PGR: variants seen among roughly 807,000 people sequenced by gnomAD.
The protein encoded by PGR is nuclear receptor subfamily 3 group C member 3.
In PGR, 25 loss-of-function variants were observed where a neutral mutation model predicts 76.1. The ratio of observed to expected loss-of-function variants is 0.33; its 90% CI spans 0.24 to 0.46. The LOEUF is 0.46. Ranked by LOEUF, PGR falls within the 20% of genes least tolerant of loss-of-function variation. The pLI, the probability that PGR is intolerant of heterozygous loss-of-function variation, is 1.00. For missense variants in PGR, 1,172 were observed against 1,225.3 expected (o/e 0.96, Z 0.65); for synonymous variants, 579 against 535.0 (o/e 1.08, Z -1.14).
chr11:101,103,454 T>C (rs999767940), intron 2 of PGR, among the ~76,000 whole-genome samples: 4 of 152,098 alleles, frequency 2.6e-5, no homozygotes, highest in African/African-American at 7.2e-5. Flanking sequence ...TCCTGTCTCT[T>C]ACCCCCGCAT....
In PGR at chr11:101,096,844, TACA is replaced by T. The variant is rs72547494; in HGVS notation, c.1790-4971_1790-4969del. 9.4e-3 allele frequency among the ~76,000 whole-genome samples: 1,439 copies of T among 152,356 alleles called. 13 individuals are homozygous for T. The highest frequency in any genetic ancestry group is 0.037 in the Middle Eastern group (11 of 294). ...TCAGTCCAACATAACATTGTGATTC[TACA>T]ACAAGTGTAAAACACGTCACTATAT... On this transcript the variant is annotated intron_variant, in intron 2 of 7. Coordinates refer to ENST00000325455, the MANE Select transcript of PGR (RefSeq NM_000926.4).
At chr11:101,058,268 A>G (rs1396532202) in intron 4 of PGR, among the ~76,000 whole-genome samples, 1 of 152,164 alleles carries the variant, frequency 6.6e-6, no homozygotes, top group Non-Finnish European at 1.5e-5. Flanking sequence ...AGGGTGTGAG[A>G]AAAACCATGG....
At chr11:101,111,078 A>G (rs1190151995) in intron 2 of PGR, among the ~76,000 whole-genome samples, 1 of 152,242 alleles carries the variant, frequency 6.6e-6, no homozygotes, top group Non-Finnish European at 1.5e-5. Context: ...AATTTGTGTG[A>G]CTTGCTTTAT....
chr11:101,092,745 C>T (rs1404156894), intron 2 of PGR, among the ~76,000 whole-genome samples: 2 of 152,042 alleles, frequency 1.3e-5, no homozygotes, highest in African/African-American at 2.4e-5. Context: ...AACATGTAAA[C>T]GTTAATTTAC....
chr11:101,057,467 G>C (rs893277647), intron 4 of PGR, among the ~76,000 whole-genome samples: 6 of 152,100 alleles, frequency 3.9e-5, no homozygotes, highest in African/African-American at 1.4e-4. Context: ...ATGGAGTTTG[G>C]ATGCTATTTG....
At chr11:101,092,502 C>A (rs1861706087) in intron 2 of PGR, among the ~76,000 whole-genome samples, 2 of 152,064 alleles carry the variant, frequency 1.3e-5, no homozygotes, top group African/African-American at 2.4e-5. Flanking sequence ...AAAGGAAGAA[C>A]TTAAAACAGA....
intron 2 of PGR, among the ~76,000 whole-genome samples, chr11:101,116,555 C>T (rs534115657): frequency 6.6e-6 from 1 of 152,162 alleles, no homozygotes; most frequent in Non-Finnish European, 1.5e-5. Context: ...ATCTGGTCAA[C>T]ACGGTGAAAC....
chr11:101,033,215 A>G lies in PGR; in HGVS notation c.*5901T>C, dbSNP rs1026117883. 4.8e-5 allele frequency: 10 copies of G among 208,368 alleles called. No individual in the cohort carries two copies. In the East Asian group the frequency reaches 6.6e-4, roughly 14 times the overall value. 12.9% of individuals were successfully genotyped at this position (208,368 alleles called of 1,614,324 possible). ...GTCTGCCATGTGAAAATCTCTTCCT[A>G]TCCCTAATCATAGCAAATTCAGGGC... On this transcript the variant is annotated 3_prime_UTR_variant, in exon 8 of 8. Transcript: ENST00000325455.
intron 4 of PGR, 116 bp from the exon 5 acceptor site, chr11:101,051,684 A>G (rs1860093850): frequency 5.4e-6 from 4 of 746,456 alleles, no homozygotes; most frequent in Admixed American, 2.1e-5. Context: ...AATGTTTTCA[A>G]TCCCAACATA....
intron 3 of PGR, among the ~76,000 whole-genome samples, chr11:101,089,762 T>G (rs1861614132): frequency 6.6e-6 from 1 of 151,014 alleles, no homozygotes; most frequent in South Asian, 2.1e-4. Flanking sequence ...GGGAGTAGAG[T>G]TAAACAAATA....
chr11:101,084,695 G>A (rs1231316213), intron 3 of PGR, among the ~76,000 whole-genome samples: 3 of 151,156 alleles, frequency 2.0e-5, no homozygotes, highest in African/African-American at 7.3e-5. Flanking sequence ...AACCAGCTAG[G>A]AAAACCAGAC....
intron 4 of PGR, among the ~76,000 whole-genome samples, 195 bp from the exon 5 acceptor site, chr11:101,051,763 C>T (rs914490302): frequency 1.3e-5 from 2 of 152,132 alleles, no homozygotes; most frequent in African/African-American, 2.4e-5. Flanking sequence ...TTGGAAGTCA[C>T]TTGAAATTAG....
At chr11:101,099,368 T>C (rs1322423185) in intron 2 of PGR, among the ~76,000 whole-genome samples, 1 of 152,146 alleles carries the variant, frequency 6.6e-6, no homozygotes, top group African/African-American at 2.4e-5. Flanking sequence ...AACCAATCTA[T>C]CATGTTAGAA....
rs747107280 is a variant in PGR at position 101,062,551 on chromosome 11, T to C, written c.2108A>G (p.His703Arg). Reference protein sequence around the residue: ...SIEPDVIYAGHDNTKPDTSSS... With the variant: ...SIEPDVIYAGRDNTKPDTSSS... ...GGAGGTGTCAGGTTTTGTGTTGTCATGTCCTGCATAGATCACATCTGGTTC... is the reference window on the plus strand; with the variant it reads ...GGAGGTGTCAGGTTTTGTGTTGTCACGTCCTGCATAGATCACATCTGGTTC... The change falls in exon 4 of 8, where the codon CAT becomes CGT. Residue 703 changes from histidine to arginine, a missense_variant. Physicochemically the swap from His to Arg is conservative, Grantham distance 29. This residue lies in a region of PGR where 166 missense variants were observed against 296.0 expected (regional missense o/e 0.56). Transcript: ENST00000325455. 36 of 1,613,962 alleles carry C rather than the reference T, an allele frequency of 2.2e-5. No individual in the cohort carries two copies. The highest frequency in any genetic ancestry group is 2.9e-5 in the Non-Finnish European group (34 of 1,179,936).
intron 2 of PGR, among the ~76,000 whole-genome samples, chr11:101,109,035 G>T (rs1383318049): frequency 6.6e-6 from 1 of 152,122 alleles, no homozygotes; most frequent in African/African-American, 2.4e-5. Context: ...TACTGTAATT[G>T]TTTTTGGGTG....
chr11:101,114,163 A>G (rs1862431066), intron 2 of PGR, among the ~76,000 whole-genome samples: 1 of 152,194 alleles, frequency 6.6e-6, no homozygotes, highest in African/African-American at 2.4e-5. Context: ...CCCCGCATTT[A>G]AACACCAGGG....
At chr11:101,051,106 T>C (rs1860073012) in intron 5 of PGR, among the ~76,000 whole-genome samples, 1 of 152,046 alleles carries the variant, frequency 6.6e-6, no homozygotes, top group African/African-American at 2.4e-5. Flanking sequence ...TTTTTGAATG[T>C]AAGTCAGTAA....
intron 6 of PGR, among the ~76,000 whole-genome samples, chr11:101,048,527 G>A (rs940285296): frequency 6.6e-6 from 1 of 152,120 alleles, no homozygotes; most frequent in Non-Finnish European, 1.5e-5. Context: ...ACTGAATACT[G>A]TAGGCAGCTG....
At chr11:101,077,688 G>T (rs1861172860) in intron 3 of PGR, among the ~76,000 whole-genome samples, 1 of 152,086 alleles carries the variant, frequency 6.6e-6, no homozygotes, top group Admixed American at 6.6e-5. Context: ...AGAATGAATA[G>T]TCTGAGGACC....
Sources: gnomAD v4.1 joint callset for allele counts (sites outside exome capture counted in the v4.1 genomes callset) on GRCh38, gnomAD v4.1.1 for gene constraint, gnomAD v4.1.1 regional missense constraint, MANE v1.5 for transcripts, NCBI Gene and HGNC (gene_info 2026-07-23, HGNC 2026-07-21) for gene names.